The following TEX26 variants were observed in gnomAD, a reference collection of about 807,000 sequenced individuals.
TEX26 encodes testis-expressed protein 26.
A neutral mutation model predicts 35.3 loss-of-function variants in TEX26; 34 were observed. The ratio of observed to expected loss-of-function variants is 0.96; its 90% CI spans 0.73 to 1.28. The LOEUF (loss-of-function observed/expected upper bound fraction) is 1.28. Ranked by LOEUF, TEX26 falls within the 50% of genes most tolerant of loss-of-function variation. The probability of loss-of-function intolerance (pLI) is 0.00; values close to 1 mark genes in which losing one functional copy is unlikely to be tolerated. For synonymous variants in TEX26, 136 were observed against 111.8 expected (o/e 1.22, Z -1.36); for missense variants, 371 against 330.1 (o/e 1.12, Z -0.96).
rs558621767 is a variant in TEX26, at chr13:30,954,830, G to A, written c.312+2005G>A. Among the ~76,000 whole-genome samples, 16 of 152,214 alleles carry A rather than the reference G, an allele frequency of 1.1e-4. No homozygotes were observed. The South Asian group carries it at 3.3e-3, about 32-fold the overall frequency. On this transcript the variant is annotated intron_variant, in intron 3 of 6. Transcript: ENST00000380473. ...TACTGTATGTATACAATATTATACT[G>A]TATTTATACATTCACAAACACACGA...
At chr13:30,960,070 A>T (rs1259104294) in intron 4 of TEX26, among the ~76,000 whole-genome samples, 1 of 152,230 alleles carries the variant, frequency 6.6e-6, no homozygotes, top group Non-Finnish European at 1.5e-5. Context: ...TGAAGAAAAA[A>T]AGACATTTCC....
chr13:30,957,120 A>G, intron 4 of TEX26, 91 bp downstream of exon 4: 29 of 1,308,012 alleles, frequency 2.2e-5, no homozygotes, highest in Non-Finnish European at 3.0e-5. Context: ...CTTCTCCTTC[A>G]AGGAACTTGA....
intron 1 of TEX26, among the ~76,000 whole-genome samples, chr13:30,938,550 G>A (rs1254209211): frequency 6.6e-6 from 1 of 152,090 alleles, no homozygotes; most frequent in Non-Finnish European, 1.5e-5. Flanking sequence ...GTCCCATCAA[G>A]GGGACCCCTC....
rs969328760 is a variant in TEX26 at position 30,966,145 on chromosome 13, C to G, written c.470-77C>G. 9.1e-6 allele frequency: 14 copies of G among 1,539,946 alleles called. No individual in the cohort carries two copies. In the East Asian group the frequency reaches 2.3e-4, roughly 25 times the overall value. ...CATACAGGGCACATTGACCATACCTCTAAACACAGCAAGAGTGGGTTTAGC... is the reference window on the plus strand; with the variant it reads ...CATACAGGGCACATTGACCATACCTGTAAACACAGCAAGAGTGGGTTTAGC... On this transcript the variant is annotated intron_variant, in intron 4 of 6. Coordinates refer to ENST00000380473, the MANE Select transcript of TEX26 (RefSeq NM_152325.3).
chr13:30,935,133 C>G (rs1593526039), intron 1 of TEX26, among the ~76,000 whole-genome samples: 1 of 152,256 alleles, frequency 6.6e-6, no homozygotes. Context: ...GGCAATACCC[C>G]ACCCACATCC....
intron 3 of TEX26, among the ~76,000 whole-genome samples, chr13:30,956,418 T>A (rs1426491691): frequency 6.6e-6 from 1 of 152,090 alleles, no homozygotes; most frequent in Non-Finnish European, 1.5e-5. Flanking sequence ...TCTATCATTG[T>A]TGGACATTTG....
At position 30,958,387 on chromosome 13, in the gene TEX26, GC is replaced by G. The variant is rs376516581; in HGVS notation, c.469+1360del. On this transcript the variant is annotated intron_variant, in intron 4 of 6. Transcript: ENST00000380473. ...AATCTTTTCCTAAGTTACTGAGAAA[GC>G]CACACACGCTGGTGCATGGCTCTAA... Among the ~76,000 whole-genome samples the G allele has an allele frequency of 2.0e-3, 309 of 152,328 alleles. 2 individuals are homozygous for G. Among genetic ancestry groups the G allele is most frequent in the African/African-American group, 7.2e-3 (300 of 41,572 alleles).
At chr13:30,943,184 T>C (rs970418415) in intron 2 of TEX26, among the ~76,000 whole-genome samples, 2 of 152,156 alleles carry the variant, frequency 1.3e-5, no homozygotes, top group Non-Finnish European at 2.9e-5. Context: ...TAGTGTTTTG[T>C]AGCTCTCCTT....
chr13:30,937,020 G>A (rs2138164467), intron 1 of TEX26: 1 of 980,954 alleles, frequency 1.0e-6, no homozygotes, highest in Non-Finnish European at 1.2e-6. Flanking sequence ...TGTAGTAAGG[G>A]AAATCATTAA....
chr13:30,966,135 G>C, intron 4 of TEX26, 87 bp from the exon 5 acceptor site: 1 of 1,441,292 alleles, frequency 6.9e-7, no homozygotes, highest in African/African-American at 1.4e-5. Context: ...AGGGCACATT[G>C]ACCATACCTC....
chr13:30,969,777 T>C (rs1037124398), intron 6 of TEX26, among the ~76,000 whole-genome samples: 6 of 152,214 alleles, frequency 3.9e-5, no homozygotes, highest in Non-Finnish European at 7.3e-5. Flanking sequence ...AATATATTCA[T>C]ATGCCAACTA....
intron 2 of TEX26, among the ~76,000 whole-genome samples, chr13:30,941,470 C>T (rs1174486663): frequency 6.6e-6 from 1 of 152,166 alleles, no homozygotes; most frequent in Non-Finnish European, 1.5e-5. Context: ...AAACTTCTCA[C>T]AAAAGTTTCA....
intron 4 of TEX26, among the ~76,000 whole-genome samples, chr13:30,963,756 G>A (rs1260502548): frequency 6.6e-6 from 1 of 152,198 alleles, no homozygotes; most frequent in African/African-American, 2.4e-5. Context: ...TGATTCTGAT[G>A]TCTTATTTCC....
intron 4 of TEX26, among the ~76,000 whole-genome samples, chr13:30,957,701 G>A (rs968393914): frequency 5.3e-5 from 8 of 152,212 alleles, no homozygotes; most frequent in African/African-American, 1.9e-4. Context: ...GATCTGCAAG[G>A]TGGTGGCATG....
chr13:30,949,741 A>G (rs964310958), intron 2 of TEX26, among the ~76,000 whole-genome samples: 5 of 152,086 alleles, frequency 3.3e-5, no homozygotes, highest in Admixed American at 3.3e-4. Context: ...TGTTTCCTAA[A>G]TATATTCTCA....
intron 4 of TEX26, among the ~76,000 whole-genome samples, chr13:30,963,457 T>C (rs1349085194): frequency 6.6e-6 from 1 of 152,142 alleles, no homozygotes; most frequent in East Asian, 1.9e-4. Flanking sequence ...TAACACAACA[T>C]TTTATAAAGA....
intron 5 of TEX26, among the ~76,000 whole-genome samples, chr13:30,968,439 G>A (rs1026659556): frequency 1.3e-5 from 2 of 152,160 alleles, no homozygotes; most frequent in South Asian, 2.1e-4. Context: ...CTGTGGATGC[G>A]GGTCACCCCA....
chr13:30,973,095 A>C (rs577038896), intron 6 of TEX26, among the ~76,000 whole-genome samples: 16 of 152,360 alleles, frequency 1.1e-4, no homozygotes, highest in Non-Finnish European at 1.3e-4. Flanking sequence ...GTTTATAACC[A>C]CTTTATTCTT....
In TEX26 at chr13:30,967,524, C is replaced by A. The variant is rs1035915341; in HGVS notation, c.646+1126C>A. On this transcript the variant is annotated intron_variant, in intron 5 of 6. Coordinates refer to ENST00000380473, the MANE Select transcript of TEX26 (RefSeq NM_152325.3). ...TAGTTAGTATAAATCTATGACCCTA[C>A]AAAAACCTTGTCATATGCCTTCTAA... Among the ~76,000 whole-genome samples, 4 of 152,218 alleles carry A rather than the reference C, an allele frequency of 2.6e-5. No individual in the cohort carries two copies. In the South Asian group the frequency reaches 8.3e-4, roughly 31 times the overall value.
Sources: gnomAD v4.1 joint callset for allele counts (sites outside exome capture counted in the v4.1 genomes callset) on GRCh38, gnomAD v4.1.1 for gene constraint, MANE v1.5 for transcripts, NCBI Gene and HGNC (gene_info 2026-07-23, HGNC 2026-07-21) for gene names.